Variants in PGM2 observed in about 807,000 individuals in gnomAD.
PGM2 encodes the protein phosphoglucomutase 2, also known as phosphopentomutase.
A neutral mutation model predicts 74.6 loss-of-function variants in PGM2; 57 were observed. The observed-to-expected ratio is 0.76, with a 90% CI of 0.62 to 0.95. The LOEUF is 0.95. Ranked by LOEUF, PGM2 falls within the 40% of genes least tolerant of loss-of-function variation. PGM2 has a pLI of 0.00. For missense variants in PGM2, 706 were observed against 741.9 expected, an observed-to-expected ratio of 0.95 and a Z score of 0.56; for synonymous variants, 273 against 260.7, an observed-to-expected ratio of 1.05 and a Z score of -0.46.
At chr4:37,850,441 T>A (rs540074054) in intron 12 of PGM2, 68 bp downstream of exon 12, 2 of 934,146 alleles carry the variant, frequency 2.1e-6, no homozygotes, top group Admixed American at 7.6e-5. Flanking sequence ...TTGAATAAAT[T>A]ATTTAACCAT....
Position 37,850,337 on chromosome 4 carries a change from A to T in PGM2, c.1566A>T (p.Thr522=), listed in dbSNP as rs773818741. The part of the protein sequence containing the change: ...KFEISAIRDL[T]TGYDDSQPDK... The stretch of plus-strand genomic sequence containing the variant: ...AAATTTCTGCCATTAGGGACCTTAC[A>T]ACTGGCTATGATGATAGCCAACCTG... The change falls in exon 12 of 14, where the codon ACA becomes ACT. Residue 522 remains threonine (T), a synonymous_variant. Coordinates refer to ENST00000381967, the MANE Select transcript of PGM2 (RefSeq NM_018290.4). 6.3e-7 allele frequency: 1 copy of T among 1,576,682 alleles called. No individual in the cohort carries two copies.
intron 12 of PGM2, among the ~76,000 whole-genome samples, chr4:37,853,048 T>C (rs1726096391): frequency 6.6e-6 from 1 of 152,198 alleles, no homozygotes. Context: ...CTTTTCTTGT[T>C]TCTTTCTTTC....
At chr4:37,829,420 T>C (rs1481637686) in intron 1 of PGM2, among the ~76,000 whole-genome samples, 3 of 150,650 alleles carry the variant, frequency 2.0e-5, no homozygotes, top group Non-Finnish European at 2.9e-5. Context: ...GTATGAATTA[T>C]AAAACATTAC....
chr4:37,854,796 T>G (rs1361281083), intron 12 of PGM2, among the ~76,000 whole-genome samples: 2 of 152,144 alleles, frequency 1.3e-5, no homozygotes, highest in Non-Finnish European at 2.9e-5. Context: ...GTCAATATCT[T>G]GTGAAATGAT....
chr4:37,848,012 C>T (rs948273689), intron 10 of PGM2, among the ~76,000 whole-genome samples: 6 of 152,114 alleles, frequency 3.9e-5, no homozygotes, highest in Admixed American at 6.5e-5. Context: ...CTTGTCTTTC[C>T]GTAGCTTTTT....
chr4:37,846,892 T>A (rs1725887834), intron 8 of PGM2, 39 bp from the exon 9 acceptor site: 1 of 1,514,688 alleles, frequency 6.6e-7, no homozygotes, highest in African/African-American at 1.4e-5. Flanking sequence ...CTTAAGATTA[T>A]GGAAATGAAT....
chr4:37,855,496 T>C, intron 12 of PGM2, 112 bp from the exon 13 acceptor site: 1 of 934,360 alleles, frequency 1.1e-6, no homozygotes, highest in East Asian at 2.7e-5. Flanking sequence ...AATGTTTTTC[T>C]TTTCTAACCA....
chr4:37,841,071 CGTATATAT>C (rs1167862645), intron 6 of PGM2, among the ~76,000 whole-genome samples: 138 of 25,440 alleles, frequency 5.4e-3, no homozygotes, highest in Admixed American at 0.018. Flanking sequence ...CATATGCAAG[CGTATATAT>C]ATATATATAT....
At chr4:37,837,634 A>AT in intron 4 of PGM2, 21 bp downstream of exon 4, 1 of 1,478,572 alleles carries the variant, frequency 6.8e-7, no homozygotes. Context: ...ATTTCCTTTC[A>AT]TAATTTCCTG....
rs763527817 is a variant in PGM2, at chr4:37,850,267, A to G, written c.1496A>G (p.Asn499Ser). 3.2e-6 allele frequency: 5 copies of G among 1,587,020 alleles called. No homozygotes were observed. The East Asian group carries it at 1.1e-4, about 36-fold the overall frequency. ...TIKKLFENLR[N>S]YDGKNNYPKA... ...AAGAAATTATTTGAAAACCTCAGAA[A>G]CTACGATGGAAAAAATAATTATCCA... Residue 499 changes from asparagine (N) to serine (S), a missense_variant, in exon 12 of 14, where the codon AAC (asparagine) becomes AGC (serine). Transcript: ENST00000381967.
rs144871946 is a variant in PGM2 at position 37,847,035 on chromosome 4, A to G, written c.1112A>G (p.Asp371Gly). 6.2e-6 allele frequency: 10 copies of G among 1,613,576 alleles called. No individual in the cohort carries two copies. The highest frequency in any genetic ancestry group is 8.5e-6 in the Non-Finnish European group (10 of 1,179,636). ...AACCAGGATCGCAGTGCTCTCAAAG[A>G]CACGTACATGTTGTCCAGCACCGTC... The part of the protein sequence containing the change: ...EKNQDRSALK[D>G]TYMLSSTVSS... The change falls in exon 9 of 14, where the codon GAC (aspartate) becomes GGC (glycine). Residue 371 changes from aspartate (D) to glycine (G), a missense_variant. Transcript: ENST00000381967.
Position 37,855,595 on chromosome 4 carries a change from C to T in PGM2, c.1603-13C>T. 2 of 1,609,908 alleles carry T rather than the reference C, an allele frequency of 1.2e-6. No individual in the cohort carries two copies. Among genetic ancestry groups the T allele is most frequent in the Non-Finnish European group, 1.7e-6 (2 of 1,177,698 alleles). ...TTACTATTTAAATTTATAATGTGTG[C>T]ATTAATTCCTAGGTTCTTCCCACTA... On this transcript the variant is annotated splice_polypyrimidine_tract_variant and intron_variant, in intron 12 of 13. Coordinates refer to ENST00000381967, the MANE Select transcript of PGM2 (RefSeq NM_018290.4).
At chr4:37,842,155 ATATATATACATATATACATAT>A (rs1398933570) in intron 6 of PGM2, among the ~76,000 whole-genome samples, 1 of 148,764 alleles carries the variant, frequency 6.7e-6, no homozygotes, top group Non-Finnish European at 1.5e-5. Flanking sequence ...TTTGTTTATA[ATATATATACATATATACATAT>A]TATATATACA....
At chr4:37,834,340 A>G (rs570902312) in intron 2 of PGM2, among the ~76,000 whole-genome samples, 7 of 115,144 alleles carry the variant, frequency 6.1e-5, no homozygotes, top group African/African-American at 1.7e-4. Context: ...CTGTCTCTGG[A>G]AAAAAAAAAA....
chr4:37,839,786 T>G, intron 4 of PGM2, 62 bp from the exon 5 acceptor site: 1 of 920,942 alleles, frequency 1.1e-6, no homozygotes, highest in Non-Finnish European at 1.8e-6. Context: ...AAATAGACAT[T>G]TTAAGAATAT....
At chr4:37,828,723 G>A (rs1266461389) in intron 1 of PGM2, among the ~76,000 whole-genome samples, 1 of 152,186 alleles carries the variant, frequency 6.6e-6, no homozygotes, top group African/African-American at 2.4e-5. Context: ...CTATGAACAA[G>A]GGAGGATCAC....
chr4:37,835,949 C>T (rs1400469193), intron 3 of PGM2, among the ~76,000 whole-genome samples: 1 of 152,230 alleles, frequency 6.6e-6, no homozygotes, highest in Non-Finnish European at 1.5e-5. Flanking sequence ...AGCATATCAG[C>T]TTGTCATTTA....
chr4:37,837,774 C>T (rs1725605822), intron 4 of PGM2, among the ~76,000 whole-genome samples, 161 bp downstream of exon 4: 1 of 152,162 alleles, frequency 6.6e-6, no homozygotes, highest in African/African-American at 2.4e-5. Context: ...ATGTTTCTCC[C>T]ACATCTTAGT....
At chr4:37,854,738 A>G (rs1726145295) in intron 12 of PGM2, among the ~76,000 whole-genome samples, 1 of 151,790 alleles carries the variant, frequency 6.6e-6, no homozygotes, top group African/African-American at 2.4e-5. Context: ...ATAACAGTAA[A>G]TATAATCTAG....
Sources: gnomAD v4.1 joint callset for allele counts (sites outside exome capture counted in the v4.1 genomes callset) on GRCh38, gnomAD v4.1.1 for gene constraint, MANE v1.5 for transcripts, NCBI Gene and HGNC (gene_info 2026-07-23, HGNC 2026-07-21) for gene names.